Variants in RNF180 observed in about 807,000 individuals in gnomAD.
RNF180 encodes the protein ring finger protein 180, also known as E3 ubiquitin-protein ligase RNF180.
RNF180 carries 38 observed loss-of-function variants against 59.2 expected under a neutral mutation model. That is an observed-to-expected ratio of 0.64 (90% CI 0.50 to 0.84). The LOEUF (loss-of-function observed/expected upper bound fraction) is 0.84, where lower values mean the gene tolerates loss of function less well. Ranked by LOEUF, RNF180 falls within the 40% of genes least tolerant of loss-of-function variation. The pLI, the probability that RNF180 is intolerant of heterozygous loss-of-function variation, is 0.00. For synonymous variants in RNF180, 262 were observed against 240.3 expected, an observed-to-expected ratio of 1.09 and a Z score of -0.84; for missense variants, 705 against 700.9, an observed-to-expected ratio of 1.01 and a Z score of -0.07.
intron 5 of RNF180, among the ~76,000 whole-genome samples, chr5:64,249,932 C>G (rs540467223): frequency 6.6e-6 from 1 of 151,732 alleles, no homozygotes; most frequent in Non-Finnish European, 1.5e-5. Flanking sequence ...AATAAGGAAA[C>G]ATAAAACTTA....
intron 1 of RNF180, among the ~76,000 whole-genome samples, chr5:64,186,997 A>C (rs1272517607): frequency 6.6e-6 from 1 of 152,186 alleles, no homozygotes; most frequent in Admixed American, 6.5e-5. Context: ...ATTCTTCTTT[A>C]AAATTCACTA....
Position 64,217,606 on chromosome 5 carries a change from G to C in RNF180, c.1227+210G>C. The C allele has an allele frequency of 7.5e-6, 5 of 669,938 alleles. No individual in the cohort carries two copies. The East Asian group carries it at 1.8e-4, about 24-fold the overall frequency. The allele number at this position is 669,938 out of a possible 1,614,324, so 41.5% of individuals were successfully genotyped here. A position where few individuals can be genotyped will look rare whatever the true frequency, so the allele number is the denominator to read the frequency against. On this transcript the variant is annotated intron_variant, in intron 5 of 7. Coordinates refer to ENST00000389100, the MANE Select transcript of RNF180 (RefSeq NM_001113561.2). ...TAATTTGCTTTTCCTTAAGGATGCT[G>C]AACATATGTGCTTATTTTACATTTG...
chr5:64,322,601 A>ATGTG (rs757773993), intron 5 of RNF180, among the ~76,000 whole-genome samples: 1 of 90,708 alleles, frequency 1.1e-5, no homozygotes, highest in African/African-American at 4.6e-5. Flanking sequence ...ATATATATAT[A>ATGTG]CGTGTGTGTG....
chr5:64,199,501 A>C (rs1214920921), intron 1 of RNF180, among the ~76,000 whole-genome samples: 1 of 152,152 alleles, frequency 6.6e-6, no homozygotes, highest in African/African-American at 2.4e-5. Flanking sequence ...GTTCTTTTAA[A>C]GCTTCCCAAG....
intron 5 of RNF180, among the ~76,000 whole-genome samples, chr5:64,240,098 G>C (rs1161105391): frequency 2.6e-5 from 4 of 152,006 alleles, no homozygotes; most frequent in African/African-American, 4.8e-5. Flanking sequence ...GAATAGGAAG[G>C]GTTCCCCATG....
At chr5:64,189,908 T>C (rs890572321) in intron 1 of RNF180, among the ~76,000 whole-genome samples, 3 of 152,164 alleles carry the variant, frequency 2.0e-5, no homozygotes, top group African/African-American at 4.8e-5. Context: ...AAAAGGACCA[T>C]AGGCCTATCT....
At chr5:64,328,861 C>T (rs888753067) in intron 6 of RNF180, among the ~76,000 whole-genome samples, 6 of 152,094 alleles carry the variant, frequency 3.9e-5, no homozygotes, top group African/African-American at 7.2e-5. Context: ...GTGATCATTG[C>T]GGGATGAAAG....
At chr5:64,281,052 TTG>T (rs1198854874) in intron 5 of RNF180, among the ~76,000 whole-genome samples, 3 of 152,196 alleles carry the variant, frequency 2.0e-5, no homozygotes, top group African/African-American at 7.2e-5. Context: ...CTAGGTATTT[TTG>T]TGTGTGTGGT....
intron 5 of RNF180, among the ~76,000 whole-genome samples, chr5:64,318,766 A>G (rs1174867810): frequency 6.6e-6 from 1 of 152,228 alleles, no homozygotes; most frequent in Non-Finnish European, 1.5e-5. Context: ...GAACAGACTC[A>G]GGAATTTCTA....
rs117462551 is a variant in RNF180, at chr5:64,222,150, C to T, written c.1227+4754C>T. Among the ~76,000 whole-genome samples the T allele has an allele frequency of 6.2e-4, 95 of 152,188 alleles. 1 individual carries two copies. In the East Asian group the frequency reaches 0.017, roughly 27 times the overall value. ...TGGTTAGTTATTTTGTAAAAGGCCC[C>T]TCAACTGAGATTTGTCTGATGTTTT... is the stretch of plus-strand genomic sequence containing the variant. On this transcript the variant is annotated intron_variant, in intron 5 of 7. Transcript: ENST00000389100.
Position 64,226,892 on chromosome 5 carries a change from G to A in RNF180, c.1227+9496G>A, listed in dbSNP as rs182551809. On this transcript the variant is annotated intron_variant, in intron 5 of 7. Coordinates refer to ENST00000389100, the MANE Select transcript of RNF180 (RefSeq NM_001113561.2). ...GATCGTGGCAAGTTTAAAGCTAATT[G>A]GAAGTTGGCAACCAAAAAGTCCTGT... is the stretch of plus-strand genomic sequence containing the variant. Among the ~76,000 whole-genome samples, 54 of 152,306 alleles carry A rather than the reference G, an allele frequency of 3.5e-4. No individual in the cohort carries two copies. In the East Asian group the frequency reaches 3.7e-3, roughly 10 times the overall value.
rs565285106 is a variant in RNF180 at position 64,243,049 on chromosome 5, C to G, written c.1227+25653C>G. On this transcript the variant is annotated intron_variant, in intron 5 of 7. Transcript: ENST00000389100. ...GGACTGTGACTTGAGGAACAGTGCA[C>G]TCTGGCCCAGATACTACACTTTTCC... 2.0e-5 allele frequency among the ~76,000 whole-genome samples: 3 copies of G among 152,198 alleles called. No homozygotes were observed. In the South Asian group the frequency reaches 6.2e-4, roughly 32 times the overall value.
chr5:64,319,453 A>T (rs1490668179), intron 5 of RNF180, among the ~76,000 whole-genome samples: 1 of 152,228 alleles, frequency 6.6e-6, no homozygotes, highest in Non-Finnish European at 1.5e-5. Context: ...AATAATATGA[A>T]TGAGAAAGAG....
At chr5:64,220,542 A>G (rs1561198884) in intron 5 of RNF180, among the ~76,000 whole-genome samples, 5 of 152,104 alleles carry the variant, frequency 3.3e-5, no homozygotes, top group Admixed American at 3.3e-4. Context: ...CAGCATTTTG[A>G]GGAAATTAAT....
At chr5:64,236,704 C>T (rs541034688) in intron 5 of RNF180, among the ~76,000 whole-genome samples, 24 of 152,248 alleles carry the variant, frequency 1.6e-4, no homozygotes, top group South Asian at 4.1e-4. Context: ...AAAATGGCTT[C>T]GTGAGCCATT....
At chr5:64,366,171 A>G (rs1307760105) in intron 7 of RNF180, among the ~76,000 whole-genome samples, 1 of 151,412 alleles carries the variant, frequency 6.6e-6, no homozygotes, top group Non-Finnish European at 1.5e-5. Context: ...AGTGGTGACA[A>G]ATTCCCTCAG....
intron 5 of RNF180, among the ~76,000 whole-genome samples, chr5:64,295,188 C>T (rs1742819673): frequency 6.6e-6 from 1 of 152,120 alleles, no homozygotes. Context: ...TCCTCCTAGT[C>T]TCAACTATCT....
At position 64,234,578 on chromosome 5, in the gene RNF180, C is replaced by CTTTTTTTTTTTTTTTTT. The variant is rs1171637074; in HGVS notation, c.1227+17205_1227+17221dup. 8.2e-5 allele frequency among the ~76,000 whole-genome samples: 4 copies of CTTTTTTTTTTTTTTTTT among 48,524 alleles called. 2 individuals carry two copies. The highest frequency in any genetic ancestry group is 7.7e-5 in the Non-Finnish European group (2 of 26,118). The allele number at this position is 48,524 out of a possible 152,430, so 31.8% of individuals were successfully genotyped here. On this transcript the variant is annotated intron_variant, in intron 5 of 7. Transcript: ENST00000389100. ...GCTTTCCAAATGGCAGTTACCCGTT[C>CTTTTTTTTTTTTTTTTT]TTTTTTTTTTTTTTTTTTTTTTTTT...
chr5:64,242,435 C>G (rs543698738), intron 5 of RNF180, among the ~76,000 whole-genome samples: 1 of 152,286 alleles, frequency 6.6e-6, no homozygotes, highest in South Asian at 2.1e-4. Context: ...CTCAAAATCA[C>G]TGTTTTTAAG....
Sources: allele counts gnomAD v4.1 joint callset (sites outside exome capture counted in the v4.1 genomes callset), GRCh38; gene constraint gnomAD v4.1.1; transcripts MANE v1.5; gene names NCBI Gene and HGNC (gene_info 2026-07-23, HGNC 2026-07-21).